OSBPL1A: variants seen among roughly 807,000 people sequenced by gnomAD.
OSBPL1A encodes the protein oxysterol binding protein like 1A, also known as oxysterol-binding protein-related protein 1.
In OSBPL1A, 80 loss-of-function variants were observed where a neutral mutation model predicts 137.1. The ratio of observed to expected loss-of-function variants is 0.58; its 90% CI spans 0.49 to 0.70. The LOEUF is 0.70. Among genes scored for constraint, OSBPL1A ranks in the 30% least tolerant of loss-of-function variants. The pLI is 0.00. For missense variants in OSBPL1A, 970 were observed against 1,129.4 expected, an observed-to-expected ratio of 0.86 and a Z score of 2.02; for synonymous variants, 365 against 389.7, an observed-to-expected ratio of 0.94 and a Z score of 0.75.
intron 17 of OSBPL1A, among the ~76,000 whole-genome samples, chr18:24,203,808 C>T (rs938348054): frequency 1.3e-5 from 2 of 152,162 alleles, no homozygotes; most frequent in Non-Finnish European, 2.9e-5. Context: ...TAATTATACA[C>T]ACTTCTCTAT....
At chr18:24,211,228 A>C (rs1456804683) in intron 17 of OSBPL1A, among the ~76,000 whole-genome samples, 1 of 152,206 alleles carries the variant, frequency 6.6e-6, no homozygotes. Flanking sequence ...CGGCCTCCCA[A>C]AGTGCTGGGA....
intron 16 of OSBPL1A, among the ~76,000 whole-genome samples, chr18:24,230,118 G>A (rs1024092043): frequency 6.6e-6 from 1 of 152,222 alleles, no homozygotes; most frequent in Non-Finnish European, 1.5e-5. Context: ...ATGTTAGTGG[G>A]TAATATATTA....
intron 18 of OSBPL1A, 84 bp downstream of exon 18, chr18:24,196,041 T>C (rs1188673448): frequency 2.7e-6 from 3 of 1,120,412 alleles, no homozygotes; most frequent in Non-Finnish European, 2.6e-6. Context: ...TGCACCACTT[T>C]AATGCAAACT....
intron 1 of OSBPL1A, among the ~76,000 whole-genome samples, chr18:24,385,035 A>G (rs1309593667): frequency 1.3e-5 from 2 of 151,118 alleles, no homozygotes; most frequent in African/African-American, 4.9e-5. Flanking sequence ...ACTCACTGCA[A>G]GCTCCGCCTC....
At chr18:24,387,945 C>T (rs770443690) in intron 1 of OSBPL1A, among the ~76,000 whole-genome samples, 28 of 152,066 alleles carry the variant, frequency 1.8e-4, no homozygotes, top group Non-Finnish European at 3.4e-4. Flanking sequence ...TAATACCACA[C>T]AAGGGGATGA....
At position 24,239,135 on chromosome 18, in the gene OSBPL1A, A is replaced by C. The variant is rs1281506555; in HGVS notation, c.1444+85T>G. On this transcript the variant is annotated intron_variant, in intron 16 of 27. Coordinates refer to ENST00000319481, the MANE Select transcript of OSBPL1A (RefSeq NM_080597.4). ...GAAACTCTAGGTGACCTCTGCTCTA[A>C]GGTGGTGGACTCAAGGGGACATTGC... 5.3e-6 allele frequency: 8 copies of C among 1,503,876 alleles called. No homozygotes were observed. In the African/African-American group the frequency reaches 9.8e-5, roughly 18 times the overall value. The allele number at this position is 1,503,876 out of a possible 1,614,324, so 93.2% of individuals were successfully genotyped here. A position where few individuals can be genotyped will look rare whatever the true frequency, so the allele number is the denominator to read the frequency against.
intron 15 of OSBPL1A, among the ~76,000 whole-genome samples, chr18:24,250,551 A>G (rs888369122): frequency 6.6e-6 from 1 of 152,218 alleles, no homozygotes; most frequent in Non-Finnish European, 1.5e-5. Context: ...CAGTCCTGGC[A>G]GCATTTATCA....
intron 7 of OSBPL1A, among the ~76,000 whole-genome samples, chr18:24,321,028 CA>C (rs368453121): frequency 8.6e-4 from 59 of 68,298 alleles, no homozygotes; most frequent in Middle Eastern, 8.1e-3. Context: ...GACTTCGTCT[CA>C]AAAAAAAAAA....
rs201880387 is a variant in OSBPL1A at position 24,256,964 on chromosome 18, C to CAAAAAAAAAAAA, written c.1282-17594_1282-17583dup. 1.2e-3 allele frequency among the ~76,000 whole-genome samples: 34 copies of CAAAAAAAAAAAA among 29,508 alleles called. 4 individuals carry two copies. Among genetic ancestry groups the CAAAAAAAAAAAA allele is most frequent in the Non-Finnish European group, 1.4e-3 (21 of 14,696 alleles). 19.4% of individuals were successfully genotyped at this position (29,508 alleles called of 152,430 possible). A position where few individuals can be genotyped will look rare whatever the true frequency, so the allele number is the denominator to read the frequency against. Reference sequence around the variant, plus strand: ...GCTGATGAAAGAACTGAAGAGGATGCAAAAAAAAAAAAAAAAAAAAAAAAA... The same window carrying CAAAAAAAAAAAA: ...GCTGATGAAAGAACTGAAGAGGATGCAAAAAAAAAAAAAAAAAAAAAAAAAAAAAAAAAAAAA... On this transcript the variant is annotated intron_variant, in intron 15 of 27. Coordinates refer to ENST00000319481, the MANE Select transcript of OSBPL1A (RefSeq NM_080597.4).
intron 9 of OSBPL1A, 59 bp from the exon 10 acceptor site, chr18:24,317,459 T>G: frequency 2.3e-6 from 3 of 1,306,070 alleles, no homozygotes; most frequent in East Asian, 4.6e-5. Context: ...AATGCTTGAC[T>G]GATAAAAAGT....
chr18:24,272,255 C>CTT (rs1213099871), intron 15 of OSBPL1A: 492 of 948,046 alleles, frequency 5.2e-4, no homozygotes, highest in Middle Eastern at 4.9e-3. Flanking sequence ...TTTCTTTTTT[C>CTT]TTTTTTTTTT....
intron 4 of OSBPL1A, among the ~76,000 whole-genome samples, chr18:24,360,245 A>G (rs1250837310): frequency 6.6e-6 from 1 of 152,242 alleles, no homozygotes; most frequent in East Asian, 1.9e-4. Context: ...TGCTGGGATT[A>G]CAGGCATGAG....
chr18:24,318,517 G>T, intron 9 of OSBPL1A, 84 bp downstream of exon 9: 3 of 1,175,678 alleles, frequency 2.6e-6, no homozygotes, highest in South Asian at 2.7e-5. Context: ...CTTCAGAAAT[G>T]ATTTTTTAAA....
chr18:24,384,883 A>AG (rs892146399), intron 1 of OSBPL1A, among the ~76,000 whole-genome samples: 1 of 151,850 alleles, frequency 6.6e-6, no homozygotes, highest in African/African-American at 2.4e-5. Flanking sequence ...GGAAAAAAAA[A>AG]AAAGAAAAAA....
At chr18:24,245,712 A>C (rs960910565) in intron 15 of OSBPL1A, among the ~76,000 whole-genome samples, 16 of 152,212 alleles carry the variant, frequency 1.1e-4, no homozygotes, top group Non-Finnish European at 2.2e-4. Flanking sequence ...ATGTGTCTTC[A>C]TTATAGTATA....
rs139929427 is a variant in OSBPL1A at position 24,293,502 on chromosome 18, A to G, written c.1174+10135T>C. Among the ~76,000 whole-genome samples, 1,079 of 152,326 alleles carry G rather than the reference A, an allele frequency of 7.1e-3. 13 individuals are homozygous for G. The highest frequency in any genetic ancestry group is 0.025 in the African/African-American group (1,029 of 41,576). On this transcript the variant is annotated intron_variant, in intron 14 of 27. Coordinates refer to ENST00000319481, the MANE Select transcript of OSBPL1A (RefSeq NM_080597.4). Reference sequence around the variant, plus strand: ...CCAGGGCTGAGGCTGCAGTACACAAAGCAGGGCAGAGCAGACGAGGAGGAG... The same window carrying G: ...CCAGGGCTGAGGCTGCAGTACACAAGGCAGGGCAGAGCAGACGAGGAGGAG...
intron 2 of OSBPL1A, among the ~76,000 whole-genome samples, chr18:24,373,868 G>C (rs914523894): frequency 5.9e-5 from 9 of 152,118 alleles, no homozygotes; most frequent in African/African-American, 2.2e-4. Context: ...GTCACCTTCT[G>C]CATCAACCCT....
At chr18:24,349,728 A>AG (rs1469382924) in intron 4 of OSBPL1A, among the ~76,000 whole-genome samples, 1 of 103,820 alleles carries the variant, frequency 9.6e-6, no homozygotes, top group Non-Finnish European at 2.0e-5. Flanking sequence ...AAAAGAAAAA[A>AG]GAAAAAAAAA....
At chr18:24,269,386 T>C (rs964681821) in intron 15 of OSBPL1A, among the ~76,000 whole-genome samples, 2 of 152,352 alleles carry the variant, frequency 1.3e-5, no homozygotes, top group African/African-American at 4.8e-5. Flanking sequence ...TGCTAAAATT[T>C]ACCCTCTTCT....
Sources: allele counts gnomAD v4.1 joint callset (sites outside exome capture counted in the v4.1 genomes callset), GRCh38; gene constraint gnomAD v4.1.1; transcripts MANE v1.5; gene names NCBI Gene and HGNC (gene_info 2026-07-23, HGNC 2026-07-21).